EVI5: variants seen among roughly 807,000 people sequenced by gnomAD.
EVI5 encodes ecotropic viral integration site 5, also known as ecotropic viral integration site 5 protein homolog.
Under a neutral mutation model 112.0 loss-of-function variants are expected in EVI5, and 73 were observed. That is an observed-to-expected ratio of 0.65 (90% CI 0.54 to 0.79). The LOEUF is 0.79. Among genes scored for constraint, EVI5 ranks in the 30% least tolerant of loss-of-function variants. The pLI is 0.00. For synonymous variants in EVI5, 305 were observed against 319.9 expected (o/e 0.95, Z 0.50); for missense variants, 900 against 968.8 (o/e 0.93, Z 0.94).
chr1:92,789,755 A>G (rs1261502083), upstream of EVI5, among the ~76,000 whole-genome samples: 3 of 152,152 alleles, frequency 2.0e-5, no homozygotes, highest in East Asian at 3.8e-4. Flanking sequence ...CGTGCTCTAA[A>G]CTGCCAAAGG....
chr1:92,605,825 TAAAA>T (rs1291930178), intron 17 of EVI5, among the ~76,000 whole-genome samples: 3 of 152,112 alleles, frequency 2.0e-5, no homozygotes, highest in Non-Finnish European at 1.5e-5. Flanking sequence ...CAACTAAAAA[TAAAA>T]AAGCTTTAAT....
intron 14 of EVI5, among the ~76,000 whole-genome samples, chr1:92,631,680 C>T (rs1285579247): frequency 1.3e-5 from 2 of 152,164 alleles, no homozygotes; most frequent in African/African-American, 4.8e-5. Flanking sequence ...ATTTCCTTCT[C>T]CTGCCTGATT....
At chr1:92,665,591 A>C (rs1017190245) in intron 11 of EVI5, among the ~76,000 whole-genome samples, 1 of 152,256 alleles carries the variant, frequency 6.6e-6, no homozygotes, top group African/African-American at 2.4e-5. Context: ...TAGAAAGTCC[A>C]GGGCAACATT....
At chr1:92,763,113 T>C (rs750105475) in intron 1 of EVI5, among the ~76,000 whole-genome samples, 1 of 151,870 alleles carries the variant, frequency 6.6e-6, no homozygotes, top group Non-Finnish European at 1.5e-5. Flanking sequence ...TACAAATAAA[T>C]TAAAAAGTAG....
chr1:92,611,830 G>A (rs1476297884), intron 16 of EVI5, among the ~76,000 whole-genome samples: 3 of 151,896 alleles, frequency 2.0e-5, no homozygotes. Flanking sequence ...AACTGTTTGA[G>A]GTCAGGAGCT....
At chr1:92,737,481 C>T (rs1194714746) in intron 1 of EVI5, among the ~76,000 whole-genome samples, 4 of 152,134 alleles carry the variant, frequency 2.6e-5, no homozygotes, top group Non-Finnish European at 5.9e-5. Context: ...TATACATATG[C>T]TCACATATTT....
intron 9 of EVI5, among the ~76,000 whole-genome samples, chr1:92,689,373 T>G (rs973544166): frequency 6.6e-6 from 1 of 151,158 alleles, no homozygotes; most frequent in Non-Finnish European, 1.5e-5. Flanking sequence ...ACAATGAGAC[T>G]TTTTTTTTAG....
intron 19 of EVI5, among the ~76,000 whole-genome samples, chr1:92,559,162 C>A (rs1668128771): frequency 6.6e-6 from 1 of 152,134 alleles, no homozygotes; most frequent in Admixed American, 6.6e-5. Flanking sequence ...AACTGTTATA[C>A]TGTATTGTTT....
intron 19 of EVI5, among the ~76,000 whole-genome samples, chr1:92,559,773 C>CAAA (rs34723950): frequency 0.016 from 742 of 46,354 alleles, 6 homozygotes; most frequent in Middle Eastern, 0.057. Context: ...GACTCCCTCT[C>CAAA]AAAAAAAAAA....
intron 1 of EVI5, chr1:92,784,503 G>C (rs1685334717): frequency 3.5e-6 from 3 of 857,324 alleles, no homozygotes; most frequent in Non-Finnish European, 4.2e-6. Flanking sequence ...GTGGGGTGCA[G>C]GGTCAGTGTC....
At position 92,703,458 on chromosome 1, in the gene EVI5, A is replaced by G. The variant is rs916445943; in HGVS notation, c.501T>C (p.Pro167=). 1.9e-6 allele frequency: 3 copies of G among 1,595,236 alleles called. No individual in the cohort carries two copies. The highest frequency in any genetic ancestry group is 1.9e-5 in the Admixed American group (1 of 53,868). The change falls in exon 4 of 20, where the codon CCT becomes CCC. Residue 167 remains proline (P), a synonymous_variant. Coordinates refer to ENST00000684568, the MANE Select transcript of EVI5 (RefSeq NM_001350197.2). ...CTTTTTCCTTAAAAAAGTTGTGTTC[A>G]GGGTAAGTTCTAGCAATGTCCCTTC... ...LIRRDIARTY[P]EHNFFKEKDS...
chr1:92,695,166 T>C, intron 7 of EVI5, 144 bp downstream of exon 7: 1 of 597,264 alleles, frequency 1.7e-6, no homozygotes, highest in Non-Finnish European at 2.9e-6. Context: ...ATAGGGTTAT[T>C]ATAAGGTTTA....
intron 18 of EVI5, among the ~76,000 whole-genome samples, chr1:92,571,311 GC>G (rs1670294566): frequency 6.6e-6 from 1 of 150,960 alleles, no homozygotes; most frequent in Admixed American, 6.6e-5. Flanking sequence ...TACTATCTCA[GC>G]TTATTTGTCA....
chr1:92,636,505 G>GAGTAAAA (rs1281103407), intron 13 of EVI5, among the ~76,000 whole-genome samples, 169 bp from the exon 14 acceptor site: 1 of 152,202 alleles, frequency 6.6e-6, no homozygotes, highest in African/African-American at 2.4e-5. Flanking sequence ...CTTCTCCAAT[G>GAGTAAAA]AGTAAAAAAG....
chr1:92,724,441 G>A (rs1205500447), intron 2 of EVI5, among the ~76,000 whole-genome samples: 2 of 152,112 alleles, frequency 1.3e-5, no homozygotes, highest in African/African-American at 4.8e-5. Context: ...AAATAATAGA[G>A]ACTAGCTTTA....
chr1:92,731,579 C>A (rs2102772950), intron 2 of EVI5, among the ~76,000 whole-genome samples: 1 of 152,146 alleles, frequency 6.6e-6, no homozygotes, highest in African/African-American at 2.4e-5. Context: ...TTTGGGGATG[C>A]CAAGGACCAA....
intron 16 of EVI5, among the ~76,000 whole-genome samples, chr1:92,608,060 A>G (rs1330264167): frequency 6.6e-6 from 1 of 151,838 alleles, no homozygotes; most frequent in Non-Finnish European, 1.5e-5. Flanking sequence ...CTGAAGCTGG[A>G]GAATGGCGTG....
intron 18 of EVI5, among the ~76,000 whole-genome samples, chr1:92,593,318 T>C (rs915320189): frequency 1.3e-5 from 2 of 151,918 alleles, no homozygotes; most frequent in Non-Finnish European, 2.9e-5. Context: ...ACGACAAAAA[T>C]CACATGATTA....
chr1:92,728,082 G>A (rs895841935), intron 2 of EVI5, among the ~76,000 whole-genome samples: 3 of 150,936 alleles, frequency 2.0e-5, no homozygotes, highest in Admixed American at 2.0e-4. Context: ...CTATTCAAAA[G>A]GAAGCTAGAG....
Sources: gnomAD v4.1 joint callset for allele counts (sites outside exome capture counted in the v4.1 genomes callset) on GRCh38, gnomAD v4.1.1 for gene constraint, MANE v1.5 for transcripts, NCBI Gene and HGNC (gene_info 2026-07-23, HGNC 2026-07-21) for gene names.